MAST4: variants seen among roughly 807,000 people sequenced by gnomAD.
MAST4 encodes the protein microtubule associated serine/threonine kinase family member 4, also known as microtubule-associated serine/threonine-protein kinase 4.
MAST4 carries 89 observed loss-of-function variants against 162.7 expected under a neutral mutation model. That is an observed-to-expected ratio of 0.55 (90% CI 0.46 to 0.65). MAST4 has a LOEUF of 0.65. Among genes scored for constraint, MAST4 ranks in the 30% least tolerant of loss-of-function variants. The pLI is 0.00. For missense variants in MAST4, 3,153 were observed against 3,374.0 expected, an observed-to-expected ratio of 0.93 and a Z score of 1.62; for synonymous variants, 1,479 against 1,361.1, an observed-to-expected ratio of 1.09 and a Z score of -1.91.
chr5:67,083,360 A>G (rs1762881486), intron 5 of MAST4, among the ~76,000 whole-genome samples: 1 of 152,178 alleles, frequency 6.6e-6, no homozygotes, highest in Non-Finnish European at 1.5e-5. Context: ...ATGGGGCCAC[A>G]TTAAATTTAG....
At chr5:66,863,187 A>C (rs754957454) in intron 3 of MAST4, among the ~76,000 whole-genome samples, 8 of 152,220 alleles carry the variant, frequency 5.3e-5, no homozygotes, top group Non-Finnish European at 7.3e-5. Flanking sequence ...GGCTTCACAG[A>C]TAATATCTAG....
At chr5:66,895,475 A>C (rs577958175) in intron 3 of MAST4, among the ~76,000 whole-genome samples, 6 of 152,068 alleles carry the variant, frequency 3.9e-5, no homozygotes, top group Admixed American at 6.6e-5. Context: ...TTCTACTTGG[A>C]ATTCTTACAG....
chr5:66,679,144 T>C (rs1748158169), intron 1 of MAST4, among the ~76,000 whole-genome samples: 1 of 152,006 alleles, frequency 6.6e-6, no homozygotes, highest in African/African-American at 2.4e-5. Context: ...GGGAGGGAGA[T>C]GGTAAGAAAA....
At chr5:66,893,383 TG>T (rs201164291) in intron 3 of MAST4, among the ~76,000 whole-genome samples, 52 of 87,134 alleles carry the variant, frequency 6.0e-4, no homozygotes, top group Admixed American at 1.2e-3. Context: ...TTTTTTTTTT[TG>T]TGTGTGTGTG....
At chr5:66,619,363 A>G (rs1160725404) in intron 1 of MAST4, among the ~76,000 whole-genome samples, 2 of 151,590 alleles carry the variant, frequency 1.3e-5, no homozygotes, top group Admixed American at 1.3e-4. Context: ...GGTCTTATCA[A>G]CCTTCGTTAG....
intron 1 of MAST4, among the ~76,000 whole-genome samples, chr5:66,681,906 C>T (rs1310409560): frequency 6.6e-6 from 1 of 152,172 alleles, no homozygotes; most frequent in Non-Finnish European, 1.5e-5. Flanking sequence ...GATTCATAAA[C>T]TCAAGTTGGG....
chr5:66,758,547 G>T (rs900614976), intron 1 of MAST4, among the ~76,000 whole-genome samples: 2 of 152,026 alleles, frequency 1.3e-5, no homozygotes, highest in Non-Finnish European at 2.9e-5. Context: ...TTCCCAAAAT[G>T]CTAGGATTAC....
rs1001138507 is a variant in MAST4 at position 67,132,190 on chromosome 5, A to G, written c.2093+239A>G. ...TGCATATGTATATATATATTTTATT[A>G]TACTTTAAGTTCTGGGATACATGTG... On this transcript the variant is annotated intron_variant, in intron 16 of 28. Coordinates refer to ENST00000403625, the MANE Select transcript of MAST4 (RefSeq NM_001164664.2). Among the ~76,000 whole-genome samples the G allele has an allele frequency of 1.3e-5, 2 of 152,114 alleles. 1 individual carries two copies. Among genetic ancestry groups the G allele is most frequent in the South Asian group, 4.1e-4 (2 of 4,834 alleles).
chr5:66,966,817 A>G (rs1164721416), intron 4 of MAST4, among the ~76,000 whole-genome samples: 2 of 152,252 alleles, frequency 1.3e-5, no homozygotes, highest in Non-Finnish European at 2.9e-5. Flanking sequence ...TGTTCAGTAG[A>G]TAATTTTCAA....
intron 1 of MAST4, among the ~76,000 whole-genome samples, chr5:66,635,778 T>C (rs2149427663): frequency 6.6e-6 from 1 of 150,528 alleles, no homozygotes; most frequent in Non-Finnish European, 1.5e-5. Context: ...AGATTGGGGA[T>C]TCTTAACATG....
intron 4 of MAST4, among the ~76,000 whole-genome samples, chr5:66,914,938 A>G (rs1337745582): frequency 2.6e-5 from 4 of 152,140 alleles, no homozygotes; most frequent in Non-Finnish European, 5.9e-5. Context: ...GCTGAGGATG[A>G]GAAACTCTGA....
At chr5:66,875,170 T>C (rs1761212377) in intron 3 of MAST4, among the ~76,000 whole-genome samples, 1 of 152,202 alleles carries the variant, frequency 6.6e-6, no homozygotes, top group Non-Finnish European at 1.5e-5. Context: ...TTCTTCTTTT[T>C]CAGAGGGTGC....
At chr5:66,945,208 G>C (rs982284855) in intron 4 of MAST4, among the ~76,000 whole-genome samples, 2 of 152,104 alleles carry the variant, frequency 1.3e-5, no homozygotes, top group Admixed American at 1.3e-4. Flanking sequence ...GAGACTGATT[G>C]GGTCAAGATA....
At chr5:66,623,947 C>T (rs188898348) in intron 1 of MAST4, among the ~76,000 whole-genome samples, 14 of 152,180 alleles carry the variant, frequency 9.2e-5, no homozygotes, top group Admixed American at 7.8e-4. Context: ...AAAACAGTGG[C>T]ATATCTGTAC....
In MAST4 at chr5:67,160,472, C is replaced by G; in HGVS notation, c.3665C>G (p.Ser1222Ter). Reference sequence around the variant, plus strand: ...TTTCTTTAGAGTGGGAATAAGGTGTCAATCACTACTACCCCATTTGAAAAC... The same window carrying G: ...TTTCTTTAGAGTGGGAATAAGGTGTGAATCACTACTACCCCATTTGAAAAC... Reference protein sequence around the residue: ...ELLLKSGNKVSITTTPFENTS... With the variant: ...ELLLKSGNKV Residue 1222 changes from serine (S) to a stop codon, truncating the protein, a stop_gained, in exon 27 of 29, where the codon TCA becomes TGA. Transcript: ENST00000403625. LOFTEE classifies it high-confidence loss of function. 1 of 1,611,016 alleles carries G rather than the reference C, an allele frequency of 6.2e-7. No homozygotes were observed. The highest frequency in any genetic ancestry group is 8.5e-7 in the Non-Finnish European group (1 of 1,178,614).
intron 1 of MAST4, among the ~76,000 whole-genome samples, chr5:66,615,995 C>G (rs62362274): frequency 0.062 from 9,415 of 152,300 alleles, 366 homozygotes; most frequent in Admixed American, 0.097. Context: ...TCTCCCCTTT[C>G]CAGTCTGCCA....
chr5:66,632,954 GTT>G (rs1744882085), intron 1 of MAST4, among the ~76,000 whole-genome samples: 1 of 152,034 alleles, frequency 6.6e-6, no homozygotes, highest in African/African-American at 2.4e-5. Context: ...GTGCAAATGA[GTT>G]TGAATTTTTT....
intron 2 of MAST4, among the ~76,000 whole-genome samples, chr5:66,774,475 C>G (rs1276986897): frequency 1.3e-5 from 2 of 152,152 alleles, no homozygotes; most frequent in Admixed American, 6.5e-5. Context: ...TCTTTAAGGC[C>G]TTTTTCTACA....
chr5:66,906,276 T>A (rs1763348469), intron 4 of MAST4, among the ~76,000 whole-genome samples: 1 of 152,222 alleles, frequency 6.6e-6, no homozygotes, highest in African/African-American at 2.4e-5. Context: ...TATCATGGCC[T>A]GAACTAGTTT....
Sources: allele counts gnomAD v4.1 joint callset (sites outside exome capture counted in the v4.1 genomes callset), GRCh38; gene constraint gnomAD v4.1.1; transcripts MANE v1.5; gene names NCBI Gene and HGNC (gene_info 2026-07-23, HGNC 2026-07-21).